NHS: variants seen among roughly 807,000 people sequenced by gnomAD.
NHS encodes the protein NHS actin remodeling regulator.
A neutral mutation model predicts 72.5 loss-of-function variants in NHS; 5 were observed. The observed-to-expected ratio is 0.07, with a 90% CI of 0.04 to 0.14. The LOEUF is 0.14. Ranked by LOEUF, NHS falls within the 10% of genes least tolerant of loss-of-function variation. The probability of loss-of-function intolerance (pLI) is 1.00; values close to 1 mark genes in which losing one functional copy is unlikely to be tolerated. For missense variants in NHS, 1,072 were observed against 1,355.7 expected, an observed-to-expected ratio of 0.79 and a Z score of 3.29; for synonymous variants, 464 against 547.7, an observed-to-expected ratio of 0.85 and a Z score of 2.13.
At chrX:17,628,218 GC>G (rs1005644342) in intron 1 of NHS, among the ~76,000 whole-genome samples, 3 of 112,533 alleles carry the variant, frequency 2.7e-5, no homozygotes, top group African/African-American at 9.7e-5. Flanking sequence ...TACAACTGGA[GC>G]TCTGCCAAGT....
chrX:17,522,241 G>A (rs2065151851), intron 1 of NHS, among the ~76,000 whole-genome samples: 1 of 112,676 alleles, frequency 8.9e-6, no homozygotes, highest in South Asian at 3.6e-4. Flanking sequence ...CAAGCTCTTA[G>A]TTAGTTAGTG....
chrX:17,732,446 C>T lies in NHS; in HGVS notation c.4938C>T (p.Ser1646=), dbSNP rs1424360287. 1 of 1,211,408 alleles carries T rather than the reference C, an allele frequency of 8.3e-7. No homozygotes were observed. The highest frequency in any genetic ancestry group is 3.0e-5 in the East Asian group (1 of 33,796). The change falls in exon 9 of 9, where the codon TCC becomes TCT. Residue 1646 remains serine (S), a synonymous_variant. Transcript: ENST00000676302. ...ACGGGAGCCCACATGACGACCGTTCCTCCCAGAGTTCAACATAGACTGCCT... is the reference window on the plus strand; with the variant it reads ...ACGGGAGCCCACATGACGACCGTTCTTCCCAGAGTTCAACATAGACTGCCT... ...NSDGSPHDDR[S]SQSST is the part of the protein sequence containing the mutation.
At chrX:17,536,817 C>G (rs780032438) in intron 1 of NHS, among the ~76,000 whole-genome samples, 1 of 112,177 alleles carries the variant, frequency 8.9e-6, no homozygotes, top group African/African-American at 3.2e-5. Flanking sequence ...TGTTCTTGTT[C>G]GTTGCATGAA....
chrX:17,546,432 G>A (rs369272939), intron 1 of NHS, among the ~76,000 whole-genome samples: 18 of 112,073 alleles, frequency 1.6e-4, no homozygotes, highest in African/African-American at 2.6e-4. Context: ...AAAATGGTGC[G>A]GGGGCTTTGT....
At chrX:17,406,193 T>C (rs936788910) in intron 1 of NHS, among the ~76,000 whole-genome samples, 13 of 111,752 alleles carry the variant, frequency 1.2e-4, no homozygotes, top group Non-Finnish European at 2.1e-4. Flanking sequence ...ATTATGTCAG[T>C]CTTACAGATG....
At chrX:17,394,074 T>G (rs2064460084) in intron 1 of NHS, among the ~76,000 whole-genome samples, 1 of 110,954 alleles carries the variant, frequency 9.0e-6, no homozygotes, top group African/African-American at 3.3e-5. Flanking sequence ...GATTGGAGAA[T>G]TGAGGGGTGA....
chrX:17,558,106 T>C (rs143165464), intron 1 of NHS, among the ~76,000 whole-genome samples: 3,814 of 112,180 alleles, frequency 0.034, 122 homozygotes, highest in African/African-American at 0.084. Flanking sequence ...GCAGGGATCA[T>C]TGGGGGAGCC....
intron 1 of NHS, among the ~76,000 whole-genome samples, chrX:17,524,691 G>A (rs2065164685): frequency 8.9e-6 from 1 of 112,417 alleles, no homozygotes; most frequent in African/African-American, 3.2e-5. Flanking sequence ...GTTCTCTGGG[G>A]ACCATATCAG....
chrX:17,395,544 T>C (rs970702390), intron 1 of NHS, among the ~76,000 whole-genome samples: 1 of 112,381 alleles, frequency 8.9e-6, no homozygotes, highest in Non-Finnish European at 1.9e-5. Context: ...CCTTTTGTAT[T>C]CTCTAAGGTT....
rs1400981902 is a variant in NHS at position 17,732,620 on chromosome X, CAG to C, written c.*158_*159del. The C allele has an allele frequency of 3.7e-6, 3 of 810,138 alleles. No homozygotes were observed. The highest frequency in any genetic ancestry group is 2.0e-5 in the African/African-American group (1 of 49,471). 66.8% of individuals were successfully genotyped at this position (810,138 alleles called of 1,213,427 possible). ...CTAAATACAGTATGTGCTGGGTAAACAGAAAGTGGTTTAGACATTCTTGATTA... is the reference window on the plus strand; with the variant it reads ...CTAAATACAGTATGTGCTGGGTAAACAAAGTGGTTTAGACATTCTTGATTA... On this transcript the variant is annotated 3_prime_UTR_variant, in exon 9 of 9. Transcript: ENST00000676302.
chrX:17,502,952 C>A (rs796561311), intron 1 of NHS, among the ~76,000 whole-genome samples: 6 of 111,605 alleles, frequency 5.4e-5, no homozygotes, highest in Non-Finnish European at 1.1e-4. Context: ...TCTCTACATC[C>A]CACTTTCAAC....
At chrX:17,588,461 C>G (rs2065586533) in intron 1 of NHS, among the ~76,000 whole-genome samples, 1 of 112,071 alleles carries the variant, frequency 8.9e-6, no homozygotes, top group African/African-American at 3.2e-5. Flanking sequence ...TCAATTCTGC[C>G]TTAAAAATAA....
At chrX:17,407,882 A>C (rs927067595) in intron 1 of NHS, among the ~76,000 whole-genome samples, 14 of 111,755 alleles carry the variant, frequency 1.3e-4, no homozygotes, top group Non-Finnish European at 2.6e-4. Context: ...AGATGGGGCA[A>C]CATTCTGAAG....
chrX:17,699,887 A>G (rs905933120), intron 3 of NHS, among the ~76,000 whole-genome samples: 33 of 112,255 alleles, frequency 2.9e-4, no homozygotes, highest in African/African-American at 9.7e-4. Flanking sequence ...AAAAAAGAAA[A>G]GATTGATGCA....
intron 1 of NHS, among the ~76,000 whole-genome samples, chrX:17,557,029 C>A (rs1268615419): frequency 9.4e-6 from 1 of 106,205 alleles, no homozygotes. Context: ...TATCTCATTG[C>A]AGAAAGATAC....
intron 1 of NHS, among the ~76,000 whole-genome samples, chrX:17,655,413 G>A (rs2065948769): frequency 8.9e-6 from 1 of 112,539 alleles, no homozygotes. Context: ...CCGGATCCGG[G>A]ATCCTCCGCA....
intron 1 of NHS, among the ~76,000 whole-genome samples, chrX:17,424,638 G>A (rs2064641374): frequency 8.9e-6 from 1 of 111,940 alleles, no homozygotes; most frequent in Admixed American, 9.4e-5. Flanking sequence ...AAGAAGAAAA[G>A]GAATAGTACC....
At chrX:17,443,559 T>A (rs1420105118) in intron 1 of NHS, among the ~76,000 whole-genome samples, 1 of 111,767 alleles carries the variant, frequency 8.9e-6, no homozygotes, top group Non-Finnish European at 1.9e-5. Flanking sequence ...CACCACTGAG[T>A]GAGCCCAGCA....
chrX:17,507,881 C>G (rs1277569385), intron 1 of NHS, among the ~76,000 whole-genome samples: 1 of 111,681 alleles, frequency 9.0e-6, no homozygotes, highest in Non-Finnish European at 1.9e-5. Flanking sequence ...CCTTCTTTCT[C>G]TGAAAGATGG....
Sources: allele counts gnomAD v4.1 joint callset (sites outside exome capture counted in the v4.1 genomes callset), GRCh38; gene constraint gnomAD v4.1.1; transcripts MANE v1.5; gene names NCBI Gene and HGNC (gene_info 2026-07-23, HGNC 2026-07-21).